PRELID2: variants seen among roughly 807,000 people sequenced by gnomAD.
The protein encoded by PRELID2 is PRELI domain-containing protein 2.
PRELID2 carries 25 observed loss-of-function variants against 28.4 expected under a neutral mutation model. That is an observed-to-expected ratio of 0.88 (90% CI 0.64 to 1.23). The LOEUF (loss-of-function observed/expected upper bound fraction) is 1.23. Among genes scored for constraint, PRELID2 ranks in the 50% most tolerant of loss-of-function variants. The pLI is 0.00. For synonymous variants in PRELID2, 76 were observed against 71.6 expected (o/e 1.06, Z -0.31); for missense variants, 201 against 214.4 (o/e 0.94, Z 0.39).
intron 1 of PRELID2, among the ~76,000 whole-genome samples, chr5:145,541,181 T>C (rs1163878126): frequency 6.6e-6 from 1 of 152,090 alleles, no homozygotes; most frequent in East Asian, 1.9e-4. Context: ...TGTAGATTTC[T>C]ACGTTTTGAC....
chr5:145,283,396 A>G, the PRELID2 span, among the ~76,000 whole-genome samples: 1 of 152,298 alleles, frequency 6.6e-6, no homozygotes, highest in African/African-American at 2.4e-5. Flanking sequence ...ACATCAGGGA[A>G]CTTGTTTTCA....
At chr5:145,336,498 C>T in the PRELID2 span, among the ~76,000 whole-genome samples, 1 of 151,786 alleles carries the variant, frequency 6.6e-6, no homozygotes, top group African/African-American at 2.4e-5. Context: ...ATATGGCTAG[C>T]CAGTTTTCCC....
intron 5 of PRELID2, among the ~76,000 whole-genome samples, chr5:145,771,874 A>T (rs73304078): frequency 0.018 from 2,687 of 152,196 alleles, 80 homozygotes; most frequent in African/African-American, 0.061. Flanking sequence ...AGCAAGAAAG[A>T]AAATGGATGG....
the PRELID2 span, among the ~76,000 whole-genome samples, chr5:145,250,357 G>A: frequency 6.6e-6 from 1 of 152,114 alleles, no homozygotes; most frequent in Non-Finnish European, 1.5e-5. Flanking sequence ...AGCTTATTCT[G>A]TGCCAATGGT....
At chr5:145,729,207 G>T in intron 1 of PRELID2, 1 of 773,138 alleles carries the variant, frequency 1.3e-6, no homozygotes. Context: ...GGTTTCGGAA[G>T]CATGCCAGAA....
chr5:145,485,990 C>A (rs1356582616), intron 1 of PRELID2, among the ~76,000 whole-genome samples: 1 of 152,176 alleles, frequency 6.6e-6, no homozygotes, highest in Non-Finnish European at 1.5e-5. Flanking sequence ...ACATTTCCAA[C>A]TTTCATACGT....
intron 1 of PRELID2, among the ~76,000 whole-genome samples, chr5:145,742,123 A>AT (rs371502884): frequency 7.4e-4 from 4 of 5,374 alleles, no homozygotes; most frequent in East Asian, 0.025. Context: ...AATAAAATTT[A>AT]TTAATTATAA....
At chr5:145,608,567 G>T (rs1049936278) in intron 1 of PRELID2, among the ~76,000 whole-genome samples, 6 of 152,228 alleles carry the variant, frequency 3.9e-5, no homozygotes, top group Admixed American at 3.9e-4. Flanking sequence ...CTGAATATAG[G>T]CCCCCAATCT....
At chr5:145,491,872 G>A (rs989189787) in intron 1 of PRELID2, among the ~76,000 whole-genome samples, 7 of 152,058 alleles carry the variant, frequency 4.6e-5, no homozygotes, top group African/African-American at 1.7e-4. Context: ...ACAATGACAG[G>A]CTTTCTTTCT....
At chr5:145,265,489 A>C in the PRELID2 span, among the ~76,000 whole-genome samples, 2 of 152,172 alleles carry the variant, frequency 1.3e-5, no homozygotes, top group African/African-American at 4.8e-5. Flanking sequence ...ATATGGAACC[A>C]AAAAAGAGCC....
chr5:145,493,432 C>G (rs754359646), intron 1 of PRELID2, among the ~76,000 whole-genome samples: 1 of 152,184 alleles, frequency 6.6e-6, no homozygotes, highest in Non-Finnish European at 1.5e-5. Context: ...TTCCCTGCAA[C>G]CTCTGATCTA....
At chr5:145,635,787 C>G (rs1169241643) in intron 1 of PRELID2, among the ~76,000 whole-genome samples, 1 of 152,210 alleles carries the variant, frequency 6.6e-6, no homozygotes, top group Admixed American at 6.5e-5. Context: ...CCTACTCTGT[C>G]TGGCTGGCCA....
intron 1 of PRELID2, among the ~76,000 whole-genome samples, chr5:145,683,586 T>C (rs1211764478): frequency 6.6e-6 from 1 of 152,166 alleles, no homozygotes; most frequent in Non-Finnish European, 1.5e-5. Flanking sequence ...ATCCCTAGTA[T>C]CTCTCTGCAT....
At chr5:145,240,789 C>G in the PRELID2 span, among the ~76,000 whole-genome samples, 1 of 151,958 alleles carries the variant, frequency 6.6e-6, no homozygotes, top group Non-Finnish European at 1.5e-5. Flanking sequence ...GTGTTATGAT[C>G]TTATAAGCTT....
chr5:145,655,400 T>G (rs571131766), intron 1 of PRELID2, among the ~76,000 whole-genome samples: 22 of 152,214 alleles, frequency 1.4e-4, no homozygotes, highest in Non-Finnish European at 2.8e-4. Context: ...AAAAAACTAC[T>G]TTAAAGTTCA....
the PRELID2 span, among the ~76,000 whole-genome samples, chr5:145,435,861 G>A: frequency 1.6e-4 from 24 of 152,226 alleles, no homozygotes; most frequent in South Asian, 1.7e-3. Context: ...GTTAATCTGC[G>A]CAAGTTAATT....
intron 1 of PRELID2, among the ~76,000 whole-genome samples, chr5:145,568,597 T>C (rs1383315248): frequency 6.6e-6 from 1 of 152,236 alleles, no homozygotes; most frequent in Non-Finnish European, 1.5e-5. Context: ...TGACACTGAC[T>C]TCTTTCTCTT....
At chr5:145,517,813 A>G (rs559565884) in intron 1 of PRELID2, among the ~76,000 whole-genome samples, 1 of 152,300 alleles carries the variant, frequency 6.6e-6, no homozygotes, top group East Asian at 1.9e-4. Context: ...ATGCAGCCAT[A>G]AAAAAGGATG....
the PRELID2 span, among the ~76,000 whole-genome samples, chr5:145,329,873 TGCTTCCA>T: frequency 6.6e-6 from 1 of 152,228 alleles, no homozygotes; most frequent in Non-Finnish European, 1.5e-5. Flanking sequence ...TTAAAGGGAA[TGCTTCCA>T]GCTTTTGCTC....
Sources: allele counts gnomAD v4.1 joint callset (sites outside exome capture counted in the v4.1 genomes callset), GRCh38; gene constraint gnomAD v4.1.1; transcripts MANE v1.5; gene names NCBI Gene and HGNC (gene_info 2026-07-23, HGNC 2026-07-21).